The following MID1 variants were observed in gnomAD, a reference collection of about 807,000 sequenced individuals.
MID1 encodes the protein E3 ubiquitin-protein ligase Midline-1.
MID1 carries 7 observed loss-of-function variants against 40.4 expected under a neutral mutation model. The ratio of observed to expected loss-of-function variants is 0.17; its 90% confidence interval spans 0.10 to 0.33. The LOEUF (loss-of-function observed/expected upper bound fraction) is 0.33, where lower values mean the gene tolerates loss of function less well. Ranked by LOEUF, MID1 falls within the 10% of genes least tolerant of loss-of-function variation. MID1 has a pLI of 1.00. For missense variants in MID1, 367 were observed against 558.5 expected, an observed-to-expected ratio of 0.66 and a Z score of 3.46; for synonymous variants, 229 against 221.2, an observed-to-expected ratio of 1.04 and a Z score of -0.31.
chrX:10,507,209 C>T (rs980586973), intron 3 of MID1, among the ~76,000 whole-genome samples: 2 of 105,189 alleles, frequency 1.9e-5, no homozygotes, highest in Non-Finnish European at 3.9e-5. Flanking sequence ...TCATTAAGGT[C>T]AACTATATTT....
At chrX:10,737,886 A>C (rs1465011530) in intron 1 of MID1, among the ~76,000 whole-genome samples, 1 of 111,360 alleles carries the variant, frequency 9.0e-6, no homozygotes, top group African/African-American at 3.3e-5. Flanking sequence ...AGATGGAAAA[A>C]GAGGAAGAGA....
At chrX:10,482,067 A>C in intron 5 of MID1, among the ~76,000 whole-genome samples, 1 of 112,182 alleles carries the variant, frequency 8.9e-6, no homozygotes, top group South Asian at 3.8e-4. Context: ...TTTTAAAAAA[A>C]AATAGATGAG....
chrX:10,470,403 T>TATTA (rs755690376), intron 6 of MID1, among the ~76,000 whole-genome samples: 2 of 112,346 alleles, frequency 1.8e-5, no homozygotes, highest in East Asian at 5.6e-4. Flanking sequence ...ACCCCTGACC[T>TATTA]ATTAATACGT....
At chrX:10,588,256 T>C (rs1300748713) in intron 1 of MID1, among the ~76,000 whole-genome samples, 1 of 112,663 alleles carries the variant, frequency 8.9e-6, no homozygotes, top group Non-Finnish European at 1.9e-5. Context: ...TTATACACCT[T>C]GAACATAAAC....
At chrX:10,725,146 A>C (rs1050118154) in intron 1 of MID1, among the ~76,000 whole-genome samples, 1 of 112,151 alleles carries the variant, frequency 8.9e-6, no homozygotes, top group Non-Finnish European at 1.9e-5. Context: ...CCTCCCAGGA[A>C]TGATGTCACT....
intron 1 of MID1, among the ~76,000 whole-genome samples, chrX:10,752,153 G>A (rs1424649055): frequency 4.5e-5 from 5 of 111,573 alleles, no homozygotes; most frequent in Non-Finnish European, 7.5e-5. Context: ...CTAGTCTCAG[G>A]TATTCCTTTA....
intron 1 of MID1, among the ~76,000 whole-genome samples, chrX:10,572,264 A>G (rs1265016929): frequency 1.8e-5 from 2 of 109,410 alleles, no homozygotes; most frequent in Non-Finnish European, 3.8e-5. Flanking sequence ...TAATAACAGT[A>G]TCAGGCCGGG....
At chrX:10,679,714 G>A (rs1298507379) in intron 1 of MID1, among the ~76,000 whole-genome samples, 1 of 111,835 alleles carries the variant, frequency 8.9e-6, no homozygotes, top group Non-Finnish European at 1.9e-5. Context: ...AAACTGAAGA[G>A]GATGGGATAG....
At chrX:10,712,134 T>A (rs968447412) in intron 1 of MID1, among the ~76,000 whole-genome samples, 48 of 111,726 alleles carry the variant, frequency 4.3e-4, no homozygotes, top group Non-Finnish European at 9.4e-5. Flanking sequence ...TAGTCTGACA[T>A]GAGTAGGGAA....
chrX:10,709,432 T>C (rs2043251813), intron 1 of MID1, among the ~76,000 whole-genome samples: 1 of 112,350 alleles, frequency 8.9e-6, no homozygotes, highest in Admixed American at 9.5e-5. Flanking sequence ...TTCCGGGTCT[T>C]TTAATATCTG....
intron 1 of MID1, among the ~76,000 whole-genome samples, chrX:10,650,050 A>G (rs929749084): frequency 1.8e-5 from 2 of 111,673 alleles, no homozygotes; most frequent in African/African-American, 6.5e-5. Context: ...AAAGAGTTCA[A>G]AGAAAATTCA....
intron 1 of MID1, among the ~76,000 whole-genome samples, chrX:10,603,688 G>T (rs1039373256): frequency 9.0e-6 from 1 of 111,504 alleles, no homozygotes; most frequent in Non-Finnish European, 1.9e-5. Context: ...GTGTTGTAGA[G>T]AGGGGGCCAA....
At chrX:10,453,340 T>A (rs772375097) in intron 9 of MID1, among the ~76,000 whole-genome samples, 3 of 112,009 alleles carry the variant, frequency 2.7e-5, no homozygotes, top group Admixed American at 9.5e-5. Context: ...AAGGTTTTTT[T>A]ATATATAAAT....
intron 7 of MID1, among the ~76,000 whole-genome samples, chrX:10,461,945 G>GAACGCT (rs1569270955): frequency 8.9e-6 from 1 of 111,985 alleles, no homozygotes; most frequent in East Asian, 2.8e-4. Context: ...TGTGGTGGGG[G>GAACGCT]AACGCTTTCA....
Position 10,449,319 on chromosome X carries a change from G to A in MID1, c.*49C>T. 1.9e-6 allele frequency: 2 copies of A among 1,053,170 alleles called. No individual in the cohort carries two copies. Among genetic ancestry groups the A allele is most frequent in the Non-Finnish European group, 2.6e-6 (2 of 757,599 alleles). 86.8% of individuals were successfully genotyped at this position (1,053,170 alleles called of 1,213,427 possible). On this transcript the variant is annotated 3_prime_UTR_variant, in exon 10 of 10. Coordinates refer to ENST00000317552, the MANE Select transcript of MID1 (RefSeq NM_000381.4). ...GTGCTTTCTCAGTCCCCTAAATAGT[G>A]GCCTGAACCTTACTGTTCCCCAGAA...
chrX:10,636,785 G>GACATATATATATAT lies in MID1; in HGVS notation c.-186-16367_-186-16366insATATATATATATGT, dbSNP rs757390504. ...CAAACTGGGCCATTCCAACAATGGGGATATATATATATATATATATATATA... is the reference window on the plus strand; with the variant it reads ...CAAACTGGGCCATTCCAACAATGGGGACATATATATATATATATATATATATATATATATATATA... On this transcript the variant is annotated intron_variant, in intron 1 of 10. Transcript: ENST00000380785. Among the ~76,000 whole-genome samples the GACATATATATATAT allele has an allele frequency of 2.8e-4, 12 of 42,719 alleles. 1 individual carries two copies. Among genetic ancestry groups the GACATATATATATAT allele is most frequent in the Middle Eastern group, 0.013 (1 of 76 alleles). The allele number at this position is 42,719 out of a possible 115,157, so 37.1% of individuals were successfully genotyped here. A position where few individuals can be genotyped will look rare whatever the true frequency, so the allele number is the denominator to read the frequency against.
intron 1 of MID1, among the ~76,000 whole-genome samples, chrX:10,646,450 G>T (rs1936262608): frequency 9.0e-6 from 1 of 111,615 alleles, no homozygotes; most frequent in Non-Finnish European, 1.9e-5. Context: ...GTATAACAGA[G>T]AGTAATTTAA....
chrX:10,646,007 TAGG>T (rs1936257588), intron 1 of MID1, among the ~76,000 whole-genome samples: 2 of 111,323 alleles, frequency 1.8e-5, no homozygotes, highest in African/African-American at 3.3e-5. Context: ...CAGTTGTCCA[TAGG>T]AGAAGCCAAG....
At chrX:10,522,490 T>C (rs994948944) in intron 3 of MID1, among the ~76,000 whole-genome samples, 2 of 112,345 alleles carry the variant, frequency 1.8e-5, no homozygotes, top group East Asian at 5.6e-4. Context: ...GTAGCCATAG[T>C]ACACTAATAC....
Sources: allele counts gnomAD v4.1 joint callset (sites outside exome capture counted in the v4.1 genomes callset), GRCh38; gene constraint gnomAD v4.1.1; transcripts MANE v1.5; gene names NCBI Gene and HGNC (gene_info 2026-07-23, HGNC 2026-07-21).